The following GOLGA5 variants were observed in gnomAD, a reference collection of about 807,000 sequenced individuals.
GOLGA5 encodes the protein golgin A5.
In GOLGA5, 50 loss-of-function variants were observed where a neutral mutation model predicts 93.5. The observed-to-expected ratio is 0.53, with a 90% confidence interval of 0.43 to 0.68. GOLGA5 has a LOEUF of 0.68. Among genes scored for constraint, GOLGA5 ranks in the 30% least tolerant of loss-of-function variants. GOLGA5 has a pLI of 0.00. For missense variants in GOLGA5, 760 were observed against 856.4 expected, an observed-to-expected ratio of 0.89 and a Z score of 1.40; for synonymous variants, 312 against 304.5, an observed-to-expected ratio of 1.02 and a Z score of -0.26.
At chr14:92,830,601 T>C (rs1174776065) in intron 9 of GOLGA5, among the ~76,000 whole-genome samples, 2 of 132,572 alleles carry the variant, frequency 1.5e-5, no homozygotes, top group Non-Finnish European at 3.3e-5. Context: ...CAGCTTTTTG[T>C]TGTTGTTGTT....
intron 7 of GOLGA5, among the ~76,000 whole-genome samples, chr14:92,816,941 CCTT>C (rs1011844121): frequency 4.6e-5 from 7 of 151,010 alleles, no homozygotes; most frequent in Non-Finnish European, 1.0e-4. Context: ...TCCTTTCTTT[CCTT>C]CTTTTTTTTG....
In GOLGA5 at chr14:92,839,464, C is replaced by CAGTG. The variant is rs769726278; in HGVS notation, c.*20_*23dup. 12 of 1,556,504 alleles carry CAGTG rather than the reference C, an allele frequency of 7.7e-6. No individual in the cohort carries two copies. The Middle Eastern group carries it at 5.0e-4, about 65-fold the overall frequency. On this transcript the variant is annotated 3_prime_UTR_variant, in exon 13 of 13. Transcript: ENST00000163416. ...GCAAATGAACCAAGCCCAGTTGTTG[C>CAGTG]AGTGATTGGTTGTCTTTTTCTAGAC... is the stretch of plus-strand genomic sequence containing the variant.
At chr14:92,828,149 T>C (rs1885459324) in intron 9 of GOLGA5, among the ~76,000 whole-genome samples, 1 of 152,234 alleles carries the variant, frequency 6.6e-6, no homozygotes, top group South Asian at 2.1e-4. Context: ...CAGCCTTCTA[T>C]TGGAAGAAAA....
intron 1 of GOLGA5, among the ~76,000 whole-genome samples, chr14:92,797,034 A>C (rs1202310738): frequency 7.6e-6 from 1 of 131,430 alleles, no homozygotes; most frequent in African/African-American, 2.9e-5. Context: ...TAATAAAAAC[A>C]GTAATTTATT....
intron 7 of GOLGA5, among the ~76,000 whole-genome samples, chr14:92,816,892 C>T (rs1183531692): frequency 6.6e-6 from 1 of 151,598 alleles, no homozygotes; most frequent in African/African-American, 2.4e-5. Flanking sequence ...TTCTTTCTTT[C>T]CTTTCTTTCC....
At chr14:92,803,212 T>C (rs1884911394) in intron 2 of GOLGA5, among the ~76,000 whole-genome samples, 1 of 152,070 alleles carries the variant, frequency 6.6e-6, no homozygotes, top group Non-Finnish European at 1.5e-5. Flanking sequence ...ATTTTGTTCA[T>C]TTTTTGTAGA....
At chr14:92,829,997 G>A (rs985942662) in intron 9 of GOLGA5, among the ~76,000 whole-genome samples, 7 of 152,088 alleles carry the variant, frequency 4.6e-5, no homozygotes, top group Non-Finnish European at 7.3e-5. Context: ...CTCACTGAAG[G>A]CTCAAATGAT....
At chr14:92,795,345 A>G (rs1884702854) in intron 1 of GOLGA5, among the ~76,000 whole-genome samples, 1 of 152,232 alleles carries the variant, frequency 6.6e-6, no homozygotes, top group South Asian at 2.1e-4. Flanking sequence ...TAAAGAACAG[A>G]TTTAAAGGAT....
At chr14:92,812,698 C>G (rs1193232027) in intron 6 of GOLGA5, among the ~76,000 whole-genome samples, 11 of 152,052 alleles carry the variant, frequency 7.2e-5, no homozygotes, top group Admixed American at 2.0e-4. Flanking sequence ...CTCTGTTAAC[C>G]CTCCCACTTC....
Position 92,819,743 on chromosome 14 carries a change from A to T in GOLGA5, c.1527A>T (p.Ser509=), listed in dbSNP as rs1379764049. ...MEAQQVNEAE[S]AREQLQDLHD... The stretch of plus-strand genomic sequence containing the variant: ...CACAGCAAGTTAATGAAGCAGAATC[A>T]GCAAGAGAACAGTTACAGGATCTGC... The change falls in exon 8 of 13, where the codon TCA becomes TCT. Residue 509 remains serine, a synonymous_variant. Coordinates refer to ENST00000163416, the MANE Select transcript of GOLGA5 (RefSeq NM_005113.4). 4 of 1,613,788 alleles carry T rather than the reference A, an allele frequency of 2.5e-6. No homozygotes were observed. In the East Asian group the frequency reaches 8.9e-5, roughly 36 times the overall value.
At chr14:92,828,776 C>T (rs1885470012) in intron 9 of GOLGA5, among the ~76,000 whole-genome samples, 1 of 152,112 alleles carries the variant, frequency 6.6e-6, no homozygotes, top group African/African-American at 2.4e-5. Flanking sequence ...TCAAGCAATT[C>T]TTGTGCCTTG....
At chr14:92,825,400 C>T (rs1351545574) in intron 9 of GOLGA5, among the ~76,000 whole-genome samples, 1 of 152,096 alleles carries the variant, frequency 6.6e-6, no homozygotes, top group Non-Finnish European at 1.5e-5. Flanking sequence ...TTGAGCATTC[C>T]CTTCTTCCCT....
chr14:92,799,196 C>T (rs1225661756), intron 2 of GOLGA5, among the ~76,000 whole-genome samples: 1 of 151,796 alleles, frequency 6.6e-6, no homozygotes, highest in Non-Finnish European at 1.5e-5. Context: ...TGGTCTTGAG[C>T]TCAAGTGATC....
intron 12 of GOLGA5, among the ~76,000 whole-genome samples, chr14:92,838,341 A>C (rs1175588559): frequency 6.6e-6 from 1 of 151,982 alleles, no homozygotes; most frequent in African/African-American, 2.4e-5. Flanking sequence ...ACTAGAGGGA[A>C]GAGTTATTCC....
intron 2 of GOLGA5, among the ~76,000 whole-genome samples, chr14:92,805,011 T>C (rs1045487290): frequency 2.0e-5 from 3 of 152,230 alleles, no homozygotes; most frequent in African/African-American, 7.2e-5. Context: ...ATTAGCTTTT[T>C]GTGGTTATTT....
Position 92,807,071 on chromosome 14 carries a change from G to A in GOLGA5, c.772+108G>A, listed in dbSNP as rs765581032. ...TCCCAGCACTTTGGGAGGCCGAGGC[G>A]GGCGGATTGCCTGAGGTCAGGAGTT... On this transcript the variant is annotated intron_variant, in intron 3 of 12. Transcript: ENST00000163416. 8.5e-5 allele frequency: 60 copies of A among 707,382 alleles called. 1 individual carries two copies. Among genetic ancestry groups the A allele is most frequent in the African/African-American group, 1.1e-4 (6 of 56,070 alleles). The allele number at this position is 707,382 out of a possible 1,614,324, so 43.8% of individuals were successfully genotyped here.
chr14:92,799,031 A>G (rs894375892), intron 2 of GOLGA5, among the ~76,000 whole-genome samples: 18 of 152,120 alleles, frequency 1.2e-4, no homozygotes, highest in African/African-American at 4.3e-4. Flanking sequence ...CCGTGATGCT[A>G]TCACAGCTCG....
chr14:92,814,168 G>A (rs536101483), intron 6 of GOLGA5, among the ~76,000 whole-genome samples: 37 of 152,218 alleles, frequency 2.4e-4, no homozygotes, highest in Non-Finnish European at 5.3e-4. Context: ...AGGCAAGAGC[G>A]ATGTGTAACC....
chr14:92,796,645 A>C (rs1050594103), intron 1 of GOLGA5, among the ~76,000 whole-genome samples: 4 of 152,102 alleles, frequency 2.6e-5, no homozygotes, highest in Non-Finnish European at 5.9e-5. Context: ...GGAGGGATGC[A>C]GTTCAGCCCA....
Sources: gnomAD v4.1 joint callset for allele counts (sites outside exome capture counted in the v4.1 genomes callset) on GRCh38, gnomAD v4.1.1 for gene constraint, MANE v1.5 for transcripts, NCBI Gene and HGNC (gene_info 2026-07-23, HGNC 2026-07-21) for gene names.